The following FBXO32 variants were observed in gnomAD, a reference collection of about 807,000 sequenced individuals.
FBXO32 encodes the protein F-box only protein 32.
FBXO32 carries 15 observed loss-of-function variants against 48.3 expected under a neutral mutation model. The observed-to-expected ratio is 0.31, with a 90% CI of 0.21 to 0.48. FBXO32 has a LOEUF of 0.48. FBXO32 is among the 20% of genes least tolerant of loss of function. The pLI is 0.99. For missense variants in FBXO32, 309 were observed against 432.7 expected (o/e 0.71, Z 2.54); for synonymous variants, 154 against 165.9 (o/e 0.93, Z 0.55).
chr8:123,514,070 G>A (rs1816789329), intron 5 of FBXO32, 170 bp downstream of exon 5: 1 of 574,518 alleles, frequency 1.7e-6, no homozygotes, highest in Non-Finnish European at 3.1e-6. Flanking sequence ...ATGAGGATGA[G>A]TTGTACCCCT....
intron 4 of FBXO32, among the ~76,000 whole-genome samples, chr8:123,530,691 T>C (rs138689397): frequency 0.038 from 5,785 of 152,110 alleles, 170 homozygotes; most frequent in Non-Finnish European, 0.059. Context: ...TCTCGCTCAC[T>C]GCAACCTCCG....
In FBXO32 at chr8:123,504,748, C is replaced by G; in HGVS notation, c.835-1G>C. 6.2e-7 allele frequency: 1 copy of G among 1,611,446 alleles called. No individual in the cohort carries two copies. The highest frequency in any genetic ancestry group is 8.5e-7 in the Non-Finnish European group (1 of 1,179,046). On this transcript the variant is annotated splice_acceptor_variant, in intron 7 of 8. Transcript: ENST00000517956. LOFTEE classifies it high-confidence loss of function. ...CTGACAGAATTAATCGTTTGCGGATCTAAAAAATCAAATGAATAAAGGAAA... is the reference window on the plus strand; with the variant it reads ...CTGACAGAATTAATCGTTTGCGGATGTAAAAAATCAAATGAATAAAGGAAA...
chr8:123,499,229 CA>C lies in FBXO32; in HGVS notation c.*4143del, dbSNP rs1319709655. 2.0e-5 allele frequency: 3 copies of C among 152,038 alleles called. No homozygotes were observed. The highest frequency in any genetic ancestry group is 7.2e-5 in the African/African-American group (3 of 41,394). 9.4% of individuals were successfully genotyped at this position (152,038 alleles called of 1,614,324 possible). A position where few individuals can be genotyped will look rare whatever the true frequency, so the allele number is the denominator to read the frequency against. On this transcript the variant is annotated 3_prime_UTR_variant, in exon 9 of 9. Coordinates refer to ENST00000517956, the MANE Select transcript of FBXO32 (RefSeq NM_058229.4). ...TAGGAGTTTCCATTCTTTGGAAAAC[CA>C]AAGATGGTTACTCTTCTTAATGAAA...
rs537596745 is a variant in FBXO32 at position 123,540,143 on chromosome 8, C to T, written c.116+756G>A. 2.7e-4 allele frequency among the ~76,000 whole-genome samples: 41 copies of T among 152,288 alleles called. No homozygotes were observed. The highest frequency in any genetic ancestry group is 1.7e-3 in the East Asian group (9 of 5,184). On this transcript the variant is annotated intron_variant, in intron 1 of 8. Coordinates refer to ENST00000517956, the MANE Select transcript of FBXO32 (RefSeq NM_058229.4). The surrounding 1 kb of genome is among the most constrained non-coding windows in gnomAD (Gnocchi z 6.4). ...CAGGCTTTTCGCAGCTGACAGGCACCCCTGGAAACGGAGTGCACTCTATAC... is the reference window on the plus strand; with the variant it reads ...CAGGCTTTTCGCAGCTGACAGGCACTCCTGGAAACGGAGTGCACTCTATAC...
At position 123,539,327 on chromosome 8, in the gene FBXO32, T is replaced by A. The variant is rs1817368892; in HGVS notation, c.116+1572A>T. ...AAAGTACCAACATATTAGATCATTGTCCTTAGGAACAAGGAGGAAGGAAGG... is the reference window on the plus strand; with the variant it reads ...AAAGTACCAACATATTAGATCATTGACCTTAGGAACAAGGAGGAAGGAAGG... On this transcript the variant is annotated intron_variant, in intron 1 of 8. Transcript: ENST00000517956. Among the ~76,000 whole-genome samples, 3 of 152,196 alleles carry A rather than the reference T, an allele frequency of 2.0e-5. No individual in the cohort carries two copies. In the South Asian group the frequency reaches 6.2e-4, roughly 31 times the overall value.
Position 123,541,091 on chromosome 8 carries a change from T to G in FBXO32, c.-77A>C. On this transcript the variant is annotated 5_prime_UTR_variant, in exon 1 of 9. Transcript: ENST00000517956. Reference sequence around the variant, plus strand: ...TCGGGGACGTGCCACCCGGGGCGGATGCTCGGGGTGCAGGGGCCCGCGACG... The same window carrying G: ...TCGGGGACGTGCCACCCGGGGCGGAGGCTCGGGGTGCAGGGGCCCGCGACG... The G allele has an allele frequency of 1.1e-6, 1 of 941,428 alleles. No individual in the cohort carries two copies. The highest frequency in any genetic ancestry group is 1.5e-6 in the Non-Finnish European group (1 of 673,214). The allele number at this position is 941,428 out of a possible 1,614,324, so 58.3% of individuals were successfully genotyped here.
At chr8:123,508,488 A>G (rs1229356737) in intron 6 of FBXO32, among the ~76,000 whole-genome samples, 3 of 152,184 alleles carry the variant, frequency 2.0e-5, no homozygotes, top group African/African-American at 7.2e-5. Flanking sequence ...AATGGCTTAG[A>G]AGACTCTGAA....
rs1453916253 is a variant in FBXO32, at chr8:123,541,171, G to C, written c.-157C>G. On this transcript the variant is annotated 5_prime_UTR_variant, in exon 1 of 9. Transcript: ENST00000517956. The stretch of plus-strand genomic sequence containing the variant: ...GGCACCCTGCGGGGTGGCGGGCGCG[G>C]AGAGGATCTCAAGCGTTGCAGGCTC... 1.0e-5 allele frequency: 4 copies of C among 394,274 alleles called. No individual in the cohort carries two copies. Among genetic ancestry groups the C allele is most frequent in the Non-Finnish European group, 4.4e-6 (1 of 225,980 alleles). The allele number at this position is 394,274 out of a possible 1,614,324, so 24.4% of individuals were successfully genotyped here.
chr8:123,533,101 G>A (rs1379666535), intron 3 of FBXO32, 90 bp downstream of exon 3: 11 of 936,592 alleles, frequency 1.2e-5, no homozygotes, highest in Admixed American at 4.1e-5. Flanking sequence ...CTCATGATCC[G>A]AAGTAATTTC....
Position 123,506,290 on chromosome 8 carries a change from A to T in FBXO32, c.834+102T>A. On this transcript the variant is annotated intron_variant, in intron 7 of 8. Transcript: ENST00000517956. The surrounding 1 kb of genome is among the most constrained non-coding windows in gnomAD (Gnocchi z 4.0). ...TTTCAGTCAAACCAGGGAACCTGGA[A>T]TAGGGGGAACCCAGACCTCAGGCTT... The T allele has an allele frequency of 7.8e-7, 1 of 1,289,380 alleles. No homozygotes were observed. Among genetic ancestry groups the T allele is most frequent in the African/African-American group, 1.5e-5 (1 of 67,334 alleles). 79.9% of individuals were successfully genotyped at this position (1,289,380 alleles called of 1,614,324 possible).
chr8:123,527,326 C>G (rs1471008111), intron 4 of FBXO32: 2 of 152,150 alleles, frequency 1.3e-5, no homozygotes, highest in African/African-American at 4.8e-5. Flanking sequence ...TTACATTGTA[C>G]TCAGCAATAA....
In FBXO32 at chr8:123,515,677, C is replaced by A. The variant is rs187530688; in HGVS notation, c.373-1344G>T. ...CTTTTTTACCTTCTATAGCAAAATT[C>A]TTTACTGACATGGCAAGATTAAAAA... On this transcript the variant is annotated intron_variant, in intron 4 of 8. Coordinates refer to ENST00000517956, the MANE Select transcript of FBXO32 (RefSeq NM_058229.4). 1.3e-3 allele frequency among the ~76,000 whole-genome samples: 194 copies of A among 152,190 alleles called. 2 individuals are homozygous for A. Among genetic ancestry groups the A allele is most frequent in the Non-Finnish European group, 1.4e-3 (98 of 67,998 alleles).
intron 1 of FBXO32, among the ~76,000 whole-genome samples, chr8:123,539,527 AGTAACTCCAACGTAAATG>A (rs1482066049): frequency 6.6e-6 from 1 of 152,216 alleles, no homozygotes; most frequent in Admixed American, 6.5e-5. Flanking sequence ...ACAGCCTCCA[AGTAACTCCAACGTAAATG>A]GTTATATGCT....
At chr8:123,509,213 A>T in intron 6 of FBXO32, among the ~76,000 whole-genome samples, 1 of 152,244 alleles carries the variant, frequency 6.6e-6, no homozygotes, top group Non-Finnish European at 1.5e-5. Flanking sequence ...TTATGCTGGA[A>T]GGAGACTGAC....
chr8:123,507,441 GT>G (rs1563919677), intron 6 of FBXO32, among the ~76,000 whole-genome samples: 49 of 98,086 alleles, frequency 5.0e-4, no homozygotes, highest in African/African-American at 1.4e-3. Context: ...GTGCTAGGGT[GT>G]GTGTGTGTGT....
rs2130481488 is a variant in FBXO32, at chr8:123,498,254, C to A, written c.*5119G>T. 6.6e-6 allele frequency: 1 copy of A among 152,354 alleles called. No individual in the cohort carries two copies. Among genetic ancestry groups the A allele is most frequent in the East Asian group, 1.9e-4 (1 of 5,192 alleles). 9.4% of individuals were successfully genotyped at this position (152,354 alleles called of 1,614,324 possible). On this transcript the variant is annotated 3_prime_UTR_variant, in exon 9 of 9. Transcript: ENST00000517956. ...AGTATAGAATACAGCTTGGAGCCTT[C>A]TGCTTAACAGACTTGTGCTTCGTTA...
chr8:123,507,605 C>G (rs993313001), intron 6 of FBXO32, among the ~76,000 whole-genome samples: 1 of 152,092 alleles, frequency 6.6e-6, no homozygotes. Context: ...GTGGATGATA[C>G]CTTGGCAATT....
intron 4 of FBXO32, among the ~76,000 whole-genome samples, chr8:123,521,819 A>C (rs1382717986): frequency 2.0e-5 from 3 of 152,152 alleles, no homozygotes; most frequent in African/African-American, 7.2e-5. Context: ...CATGCCTCAC[A>C]TGCTCAATAC....
rs985978395 is a variant in FBXO32 at position 123,540,348 on chromosome 8, G to A, written c.116+551C>T. Among the ~76,000 whole-genome samples the A allele has an allele frequency of 6.6e-6, 1 of 152,204 alleles. No individual in the cohort carries two copies. Among genetic ancestry groups the A allele is most frequent in the Admixed American group, 6.5e-5 (1 of 15,286 alleles). ...CGGCTGCCCCAGGGACCATCTGGCCGTCCCTTCCTGGTTACTCATCCTCCC... is the reference window on the plus strand; with the variant it reads ...CGGCTGCCCCAGGGACCATCTGGCCATCCCTTCCTGGTTACTCATCCTCCC... On this transcript the variant is annotated intron_variant, in intron 1 of 8. Transcript: ENST00000517956. This position sits in a 1 kb window ranked among gnomAD's most constrained non-coding sequence, Gnocchi z 6.4.
Sources: allele counts gnomAD v4.1 joint callset (sites outside exome capture counted in the v4.1 genomes callset), GRCh38; gene constraint gnomAD v4.1.1; non-coding constraint Gnocchi (gnomAD v3.1); transcripts MANE v1.5; gene names NCBI Gene and HGNC (gene_info 2026-07-23, HGNC 2026-07-21).